Variants in AFF2 observed in about 807,000 individuals in gnomAD.
AFF2 encodes ALF transcription elongation factor 2, also known as AF4/FMR2 family member 2.
AFF2 carries 14 observed loss-of-function variants against 76.9 expected under a neutral mutation model. The ratio of observed to expected loss-of-function variants is 0.18; its 90% CI spans 0.12 to 0.28. The LOEUF (loss-of-function observed/expected upper bound fraction) is 0.28. Among genes scored for constraint, AFF2 ranks in the 10% least tolerant of loss-of-function variants. AFF2 has a pLI of 1.00. For missense variants in AFF2, 868 were observed against 1,001.1 expected (o/e 0.87, Z 1.79); for synonymous variants, 398 against 366.7 (o/e 1.09, Z -0.98).
chrX:148,680,156 T>C (rs782373436), intron 3 of AFF2, among the ~76,000 whole-genome samples: 1 of 112,025 alleles, frequency 8.9e-6, no homozygotes, highest in African/African-American at 3.2e-5. Flanking sequence ...ATAGTTTTAA[T>C]CTTTACAGGG....
chrX:148,668,519 A>G (rs1162729580), intron 3 of AFF2, among the ~76,000 whole-genome samples: 3 of 112,181 alleles, frequency 2.7e-5, no homozygotes, highest in African/African-American at 9.7e-5. Context: ...GCATTTCCAT[A>G]CATCCTCTGA....
chrX:148,529,087 A>G (rs924164813), intron 1 of AFF2, among the ~76,000 whole-genome samples: 4 of 112,406 alleles, frequency 3.6e-5, no homozygotes, highest in Non-Finnish European at 7.5e-5. Context: ...CTGAAATATC[A>G]TCAATCATAA....
intron 1 of AFF2, among the ~76,000 whole-genome samples, chrX:148,517,767 C>T (rs782025987): frequency 3.6e-5 from 4 of 110,891 alleles, no homozygotes; most frequent in African/African-American, 1.3e-4. Context: ...CCTGTAATCC[C>T]AGCACTTTGG....
chrX:148,794,196 C>G (rs2069937351), intron 3 of AFF2, among the ~76,000 whole-genome samples: 1 of 112,096 alleles, frequency 8.9e-6, no homozygotes, highest in Non-Finnish European at 1.9e-5. Context: ...CACTGTTTCT[C>G]TATTTCTTGA....
chrX:148,901,110 C>CTTCA (rs1469386448), intron 8 of AFF2, among the ~76,000 whole-genome samples: 2 of 111,791 alleles, frequency 1.8e-5, no homozygotes, highest in Non-Finnish European at 3.8e-5. Context: ...GAATTATTAT[C>CTTCA]TTCATTTTTA....
chrX:148,861,209 G>GACA (rs1364678388), intron 7 of AFF2, among the ~76,000 whole-genome samples: 2 of 111,412 alleles, frequency 1.8e-5, no homozygotes, highest in Non-Finnish European at 3.8e-5. Flanking sequence ...ATTAATATCA[G>GACA]ACAACTTTCC....
chrX:149,000,510 T>C lies in AFF2; in HGVS notation c.*9178T>C, dbSNP rs1417789328. 8.8e-6 allele frequency: 1 copy of C among 113,319 alleles called. No individual in the cohort carries two copies. Among genetic ancestry groups the C allele is most frequent in the Non-Finnish European group, 1.9e-5 (1 of 53,426 alleles). The allele number at this position is 113,319 out of a possible 1,213,427, so 9.3% of individuals were successfully genotyped here. A position where few individuals can be genotyped will look rare whatever the true frequency, so the allele number is the denominator to read the frequency against. On this transcript the variant is annotated 3_prime_UTR_variant, in exon 21 of 21. Coordinates refer to ENST00000370460, the MANE Select transcript of AFF2 (RefSeq NM_002025.4). ...AGTACAGTAACTCTGTGTACAAACA[T>C]TTTAATGTGGTTTTGTTGTTTTCCA...
At chrX:148,928,002 GCT>G (rs1557283990) in intron 9 of AFF2, among the ~76,000 whole-genome samples, 2 of 111,465 alleles carry the variant, frequency 1.8e-5, no homozygotes. Context: ...GAAGCCTTTG[GCT>G]CTGTTTTTCG....
intron 18 of AFF2, 59 bp downstream of exon 18, chrX:148,978,514 G>A (rs782020468): frequency 4.9e-5 from 40 of 821,882 alleles, no homozygotes; most frequent in Admixed American, 1.1e-4. Flanking sequence ...AATAAGACAC[G>A]ACATGCAGGT....
rs1167407264 is a variant in AFF2, at chrX:148,500,631, A to AGCCGCCGCCGCCGCCGCCGCCGCC, written c.-462_-461insCGCCGCCGCCGCCGCCGCCGCCGC. 12 of 62,510 alleles carry AGCCGCCGCCGCCGCCGCCGCCGCC rather than the reference A, an allele frequency of 1.9e-4. No individual in the cohort carries two copies. The highest frequency in any genetic ancestry group is 2.5e-4 in the Non-Finnish European group (8 of 31,486). 5.2% of individuals were successfully genotyped at this position (62,510 alleles called of 1,213,427 possible). On this transcript the variant is annotated 5_prime_UTR_variant, in exon 1 of 21. Coordinates refer to ENST00000370460, the MANE Select transcript of AFF2 (RefSeq NM_002025.4). ...CCGCGGCCGCCGCCGCCGCCTGTGC[A>AGCCGCCGCCGCCGCCGCCGCCGCC]GCCGCTGCCGCCGCCGCCGCCGCCG...
At chrX:148,850,145 C>T (rs1165640352) in intron 7 of AFF2, among the ~76,000 whole-genome samples, 1 of 111,203 alleles carries the variant, frequency 9.0e-6, no homozygotes, top group Non-Finnish European at 1.9e-5. Context: ...AGACTTAGAC[C>T]ATCACAAAAA....
chrX:148,638,153 TTATTG>T (rs1395630108), intron 1 of AFF2, among the ~76,000 whole-genome samples: 1 of 112,183 alleles, frequency 8.9e-6, no homozygotes, highest in African/African-American at 3.2e-5. Context: ...TATTAGTCTA[TTATTG>T]TATTGCTGTA....
At chrX:148,696,152 G>A (rs1237437538) in intron 3 of AFF2, among the ~76,000 whole-genome samples, 1 of 111,400 alleles carries the variant, frequency 9.0e-6, no homozygotes, top group Non-Finnish European at 1.9e-5. Context: ...CATTATTTTG[G>A]AATGATGAAA....
At chrX:148,797,849 A>AT (rs1374208145) in intron 3 of AFF2, among the ~76,000 whole-genome samples, 1 of 111,540 alleles carries the variant, frequency 9.0e-6, no homozygotes, top group Non-Finnish European at 1.9e-5. Context: ...CTGAAAGAAA[A>AT]TTTTTTTTCT....
chrX:148,967,187 A>G (rs1292611915), intron 14 of AFF2, 108 bp downstream of exon 14: 1 of 1,083,449 alleles, frequency 9.2e-7, no homozygotes, highest in Non-Finnish European at 1.2e-6. Flanking sequence ...AGACCTCAGC[A>G]TCAAATCCTA....
At chrX:148,854,082 C>T (rs2070761261) in intron 7 of AFF2, among the ~76,000 whole-genome samples, 1 of 111,623 alleles carries the variant, frequency 9.0e-6, no homozygotes, top group African/African-American at 3.3e-5. Context: ...ACCTGTGTTG[C>T]CCTTTACTAC....
intron 1 of AFF2, among the ~76,000 whole-genome samples, chrX:148,571,090 C>T (rs782074106): frequency 2.1e-4 from 24 of 111,633 alleles, no homozygotes; most frequent in Admixed American, 2.1e-3. Flanking sequence ...CAATTCATAA[C>T]AAATTTTCAT....
At chrX:148,579,601 G>T (rs1337535901) in intron 1 of AFF2, among the ~76,000 whole-genome samples, 1 of 111,908 alleles carries the variant, frequency 8.9e-6, no homozygotes, top group Non-Finnish European at 1.9e-5. Context: ...GCTGTTTCAT[G>T]TTTGTTTTAT....
At chrX:148,697,991 C>A (rs1557261467) in intron 3 of AFF2, among the ~76,000 whole-genome samples, 1 of 112,426 alleles carries the variant, frequency 8.9e-6, no homozygotes, top group Admixed American at 9.4e-5. Flanking sequence ...ACACTTTTAA[C>A]AAATTCCAGA....
Sources: gnomAD v4.1 joint callset for allele counts (sites outside exome capture counted in the v4.1 genomes callset) on GRCh38, gnomAD v4.1.1 for gene constraint, MANE v1.5 for transcripts, NCBI Gene and HGNC (gene_info 2026-07-23, HGNC 2026-07-21) for gene names.